Variants in CDH12 observed in about 807,000 individuals in gnomAD.
CDH12 encodes cadherin 12.
CDH12 carries 41 observed loss-of-function variants against 74.1 expected under a neutral mutation model. The observed-to-expected ratio is 0.55, with a 90% CI of 0.43 to 0.72. The LOEUF (loss-of-function observed/expected upper bound fraction) is 0.72. Ranked by LOEUF, CDH12 falls within the 30% of genes least tolerant of loss-of-function variation. The pLI, the probability that CDH12 is intolerant of heterozygous loss-of-function variation, is 0.00. For synonymous variants in CDH12, 399 were observed against 355.0 expected (o/e 1.12, Z -1.39); for missense variants, 945 against 977.2 (o/e 0.97, Z 0.44).
At chr5:22,505,943 C>T (rs1281270574) in intron 1 of CDH12, among the ~76,000 whole-genome samples, 1 of 152,082 alleles carries the variant, frequency 6.6e-6, no homozygotes, top group Non-Finnish European at 1.5e-5. Flanking sequence ...ATCAGTATGA[C>T]TTATTACTGT....
chr5:21,835,368 T>C (rs1310737057), intron 8 of CDH12, among the ~76,000 whole-genome samples: 12 of 125,606 alleles, frequency 9.6e-5, no homozygotes, highest in South Asian at 4.6e-4. Flanking sequence ...TATGTGTGTG[T>C]ATATATATAT....
intron 1 of CDH12, among the ~76,000 whole-genome samples, chr5:22,716,367 G>A (rs1743578307): frequency 6.6e-6 from 1 of 151,982 alleles, no homozygotes; most frequent in Non-Finnish European, 1.5e-5. Flanking sequence ...AGATTATAAA[G>A]GAACTGAAAA....
intron 6 of CDH12, among the ~76,000 whole-genome samples, chr5:21,951,228 C>A (rs1755845261): frequency 6.6e-6 from 1 of 152,004 alleles, no homozygotes; most frequent in Non-Finnish European, 1.5e-5. Context: ...ACAATCATTT[C>A]TTAAAAAGAT....
At chr5:22,152,928 C>G (rs1412882644) in intron 4 of CDH12, among the ~76,000 whole-genome samples, 1 of 152,136 alleles carries the variant, frequency 6.6e-6, no homozygotes, top group Non-Finnish European at 1.5e-5. Flanking sequence ...CCATGTGCAA[C>G]CCCCTAGGTT....
chr5:22,020,575 T>C (rs28654789), intron 5 of CDH12, among the ~76,000 whole-genome samples: 5,331 of 148,962 alleles, frequency 0.036, 327 homozygotes, highest in African/African-American at 0.12. Flanking sequence ...AAAAAAGAAG[T>C]CCAACCTCCA....
At chr5:22,753,119 G>A (rs1481421611) in intron 1 of CDH12, among the ~76,000 whole-genome samples, 2 of 151,988 alleles carry the variant, frequency 1.3e-5, no homozygotes, top group Admixed American at 1.3e-4. Context: ...AGACCTGGGG[G>A]TGCACATTTC....
At chr5:21,984,923 A>T (rs1174987325) in intron 5 of CDH12, among the ~76,000 whole-genome samples, 3 of 152,160 alleles carry the variant, frequency 2.0e-5, no homozygotes, top group African/African-American at 7.2e-5. Flanking sequence ...CAGTTTTCTG[A>T]AAATAAGACC....
rs541667602 is a variant in CDH12, at chr5:22,723,457, A to T, written c.-523+129601T>A. 2.2e-4 allele frequency among the ~76,000 whole-genome samples: 33 copies of T among 152,214 alleles called. No individual in the cohort carries two copies. In the East Asian group the frequency reaches 6.2e-3, roughly 29 times the overall value. ...ACATTAAATTTTGGCTTGATAGTAG[A>T]TAGAGCAATATCTATAATAATATTA... is the stretch of plus-strand genomic sequence containing the variant. On this transcript the variant is annotated intron_variant, in intron 1 of 14. Transcript: ENST00000382254.
chr5:22,482,548 T>G (rs1746425465), intron 2 of CDH12, among the ~76,000 whole-genome samples: 1 of 152,192 alleles, frequency 6.6e-6, no homozygotes, highest in South Asian at 2.1e-4. Context: ...ATTCTTCTTA[T>G]AAAACCATCT....
intron 6 of CDH12, among the ~76,000 whole-genome samples, chr5:21,857,449 T>A (rs1750813236): frequency 6.6e-6 from 1 of 151,840 alleles, no homozygotes; most frequent in South Asian, 2.1e-4. Context: ...GAGTATCAAG[T>A]CACTTCAAGT....
chr5:22,137,193 T>C (rs1237045694), intron 4 of CDH12, among the ~76,000 whole-genome samples: 2 of 152,058 alleles, frequency 1.3e-5, no homozygotes, highest in African/African-American at 4.8e-5. Flanking sequence ...CAAACACATA[T>C]TGTTTGAACT....
chr5:22,575,702 T>C lies in CDH12; in HGVS notation c.-522-70338A>G, dbSNP rs185032783. ...CCCTCAGCCTCCCAAGTAGCTGGGA[T>C]TACAGGTGTGTGCCACCACTCCTTT... On this transcript the variant is annotated intron_variant, in intron 1 of 14. Transcript: ENST00000382254. Among the ~76,000 whole-genome samples, 8 of 151,994 alleles carry C rather than the reference T, an allele frequency of 5.3e-5. No homozygotes were observed. In the East Asian group the frequency reaches 1.6e-3, roughly 30 times the overall value.
At chr5:22,449,080 C>T (rs1051637271) in intron 2 of CDH12, among the ~76,000 whole-genome samples, 1 of 151,060 alleles carries the variant, frequency 6.6e-6, no homozygotes, top group African/African-American at 2.4e-5. Flanking sequence ...ATATATAATG[C>T]CTTGAATACA....
At chr5:22,238,133 C>A (rs905497138) in intron 3 of CDH12, among the ~76,000 whole-genome samples, 1 of 152,176 alleles carries the variant, frequency 6.6e-6, no homozygotes, top group Non-Finnish European at 1.5e-5. Context: ...CAGACCAACC[C>A]TCCAGGCAGT....
At chr5:22,026,838 T>G (rs539263715) in intron 5 of CDH12, among the ~76,000 whole-genome samples, 10 of 152,260 alleles carry the variant, frequency 6.6e-5, no homozygotes, top group African/African-American at 2.4e-4. Context: ...AATTCTTTGG[T>G]GCAGCAAAGG....
At chr5:22,429,749 G>A (rs1331447603) in intron 2 of CDH12, among the ~76,000 whole-genome samples, 1 of 152,150 alleles carries the variant, frequency 6.6e-6, no homozygotes, top group Non-Finnish European at 1.5e-5. Flanking sequence ...TCCTATCACA[G>A]TCTGTTGGCT....
At chr5:21,890,250 C>T (rs1047028433) in intron 6 of CDH12, among the ~76,000 whole-genome samples, 2 of 152,036 alleles carry the variant, frequency 1.3e-5, no homozygotes, top group East Asian at 1.9e-4. Context: ...CAGCACCCAG[C>T]ACAGAATGTA....
chr5:22,478,573 C>A (rs1393645412), intron 2 of CDH12, among the ~76,000 whole-genome samples: 1 of 151,740 alleles, frequency 6.6e-6, no homozygotes, highest in African/African-American at 2.4e-5. Flanking sequence ...AATTTAGCTA[C>A]CTCTGTCAAC....
intron 1 of CDH12, among the ~76,000 whole-genome samples, chr5:22,844,586 T>C (rs1482750771): frequency 6.6e-6 from 1 of 152,174 alleles, no homozygotes; most frequent in African/African-American, 2.4e-5. Flanking sequence ...TCTTTGATAC[T>C]TGATTTAAAC....
Sources: allele counts gnomAD v4.1 joint callset (sites outside exome capture counted in the v4.1 genomes callset), GRCh38; gene constraint gnomAD v4.1.1; transcripts MANE v1.5; gene names NCBI Gene and HGNC (gene_info 2026-07-23, HGNC 2026-07-21).